Variants in RSPO1 observed in about 807,000 individuals in gnomAD.
RSPO1 encodes R-spondin 1, also known as R-spondin-1.
RSPO1 carries 18 observed loss-of-function variants against 26.0 expected under a neutral mutation model. The observed-to-expected ratio is 0.69, with a 90% CI of 0.48 to 1.03. The LOEUF is 1.03. Among genes scored for constraint, RSPO1 ranks in the 50% least tolerant of loss-of-function variants. The pLI, the probability that RSPO1 is intolerant of heterozygous loss-of-function variation, is 0.00. For missense variants in RSPO1, 309 were observed against 352.3 expected (o/e 0.88, Z 0.98); for synonymous variants, 133 against 137.4 (o/e 0.97, Z 0.22).
intron 3 of RSPO1, among the ~76,000 whole-genome samples, chr1:37,621,974 G>T (rs754796621): frequency 3.9e-5 from 6 of 151,952 alleles, no homozygotes; most frequent in Non-Finnish European, 8.8e-5. Context: ...GCTAAGAAGA[G>T]GTGGAGTTCT....
intron 1 of RSPO1, among the ~76,000 whole-genome samples, chr1:37,632,921 T>A (rs1644380657): frequency 6.6e-6 from 1 of 152,234 alleles, no homozygotes. Context: ...TGATTTCCTT[T>A]GAGCCATGGG....
chr1:37,613,948 C>CCACT lies in RSPO1; in HGVS notation c.437-57_437-56insAGTG. ...GACAAGGAGGAGGGGATCATGTCTC[C>CCACT]TCCTCTGGCCCAGAATAGCCCAGGG... On this transcript the variant is annotated intron_variant, in intron 5 of 6. Transcript: ENST00000356545. This position sits in a 1 kb window ranked among gnomAD's most constrained non-coding sequence, Gnocchi z 4.5. 1 of 1,579,216 alleles carries CCACT rather than the reference C, an allele frequency of 6.3e-7. No homozygotes were observed. The highest frequency in any genetic ancestry group is 8.7e-7 in the Non-Finnish European group (1 of 1,148,894).
intron 3 of RSPO1, among the ~76,000 whole-genome samples, chr1:37,624,678 C>T (rs1390909004): frequency 1.3e-5 from 2 of 152,176 alleles, no homozygotes; most frequent in Non-Finnish European, 2.9e-5. Context: ...TGGATCGCTG[C>T]CCCTCCCCGC....
rs911905553 is a variant in RSPO1 at position 37,611,906 on chromosome 1, T to C, written c.*849A>G. The C allele has an allele frequency of 6.6e-6, 1 of 152,262 alleles. No homozygotes were observed. Among genetic ancestry groups the C allele is most frequent in the Admixed American group, 6.5e-5 (1 of 15,284 alleles). The allele number at this position is 152,262 out of a possible 1,614,324, so 9.4% of individuals were successfully genotyped here. A position where few individuals can be genotyped will look rare whatever the true frequency, so the allele number is the denominator to read the frequency against. ...TCTGGAATGAGACCTGAGATTCTCATTCCTAACAAGCTGCCCTGTGACAAC... is the reference window on the plus strand; with the variant it reads ...TCTGGAATGAGACCTGAGATTCTCACTCCTAACAAGCTGCCCTGTGACAAC... On this transcript the variant is annotated 3_prime_UTR_variant, in exon 7 of 7. Transcript: ENST00000356545.
intron 3 of RSPO1, among the ~76,000 whole-genome samples, chr1:37,617,688 A>AAAAG (rs1553120745): frequency 4.5e-4 from 61 of 136,598 alleles, no homozygotes; most frequent in South Asian, 7.0e-4. Context: ...AAAAAAAAAA[A>AAAAG]AGAGAGAACC....
At chr1:37,628,884 C>A (rs1485754614) in intron 3 of RSPO1, among the ~76,000 whole-genome samples, 1 of 152,242 alleles carries the variant, frequency 6.6e-6, no homozygotes, top group Non-Finnish European at 1.5e-5. Flanking sequence ...GCTATGAGAA[C>A]CCTCTCTTCC....
rs760412455 is a variant in RSPO1 at position 37,614,333 on chromosome 1, T to A, written c.287A>T (p.Lys96Ile). The A allele has an allele frequency of 6.2e-7, 1 of 1,613,618 alleles. No individual in the cohort carries two copies. The highest frequency in any genetic ancestry group is 1.1e-5 in the South Asian group (1 of 91,068). ...GGCCTCACAGTGCTCGATCTTGCAT[T>A]CTGAGGAGAGGACAGATTGGGGGCT... ...ARNPDMNKCIKCKIEHCEACF... is the reference protein window; with the variant it reads ...ARNPDMNKCIICKIEHCEACF... Residue 96 changes from lysine (K) to isoleucine (I), a missense_variant and splice_region_variant, in exon 5 of 7, where the codon AAA becomes ATA. Coordinates refer to ENST00000356545, the MANE Select transcript of RSPO1 (RefSeq NM_001242908.2).
chr1:37,630,130 A>G (rs1046682026), intron 2 of RSPO1, among the ~76,000 whole-genome samples, 181 bp from the exon 3 acceptor site: 19 of 152,316 alleles, frequency 1.2e-4, no homozygotes, highest in Middle Eastern at 3.4e-3. Context: ...CTAACCTGGG[A>G]CCGGAGCCGG....
intron 3 of RSPO1, among the ~76,000 whole-genome samples, chr1:37,624,586 G>A (rs920872638): frequency 1.3e-5 from 2 of 151,898 alleles, no homozygotes; most frequent in Non-Finnish European, 2.9e-5. Flanking sequence ...TTCATCCTAC[G>A]CAAAGCCCTT....
At position 37,629,579 on chromosome 1, in the gene RSPO1, C is replaced by T; in HGVS notation, c.83G>A (p.Arg28Lys). The change falls in exon 3 of 7, where the codon AGG (arginine) becomes AAG (lysine). Residue 28 changes from arginine to lysine, a missense_variant. Coordinates refer to ENST00000356545, the MANE Select transcript of RSPO1 (RefSeq NM_001242908.2). ...GCTCCATTACTCACTCCGCCTCTGC[C>T]TTTTCCCCTTGATCCCCCGGCTGCT... ...TISSRGIKGK[R>K]QRRISAEGSQ... is the part of the protein sequence containing the mutation. 2 of 1,614,154 alleles carry T rather than the reference C, an allele frequency of 1.2e-6. No homozygotes were observed. The highest frequency in any genetic ancestry group is 1.7e-6 in the Non-Finnish European group (2 of 1,180,004).
chr1:37,625,924 C>T (rs1157948977), intron 3 of RSPO1, among the ~76,000 whole-genome samples: 2 of 152,124 alleles, frequency 1.3e-5, no homozygotes, highest in Non-Finnish European at 2.9e-5. Flanking sequence ...GGTGATCGCC[C>T]GCCTCAGCCT....
chr1:37,614,067 G>T, intron 5 of RSPO1, 117 bp downstream of exon 5: 1 of 1,341,276 alleles, frequency 7.5e-7, no homozygotes, highest in Non-Finnish European at 1.0e-6. Flanking sequence ...GAAAGGAGTG[G>T]TAGGGTAAGC....
chr1:37,624,574 C>T (rs940732098), intron 3 of RSPO1, among the ~76,000 whole-genome samples: 1 of 152,064 alleles, frequency 6.6e-6, no homozygotes, highest in Non-Finnish European at 1.5e-5. Context: ...CTTCTAGTCT[C>T]CTTCATCCTA....
intron 3 of RSPO1, among the ~76,000 whole-genome samples, chr1:37,624,474 C>T (rs1010154951): frequency 7.9e-5 from 12 of 151,982 alleles, no homozygotes; most frequent in African/African-American, 1.7e-4. Flanking sequence ...ACCATCCCCC[C>T]CAACCCCACC....
chr1:37,613,343 A>C lies in RSPO1; in HGVS notation c.625+361T>G, dbSNP rs1249128654. ...CAGCAGCCAACCCCTTGCCAACTGCAGGCTGTGTGACTTTGGTGGAATCAC... is the reference window on the plus strand; with the variant it reads ...CAGCAGCCAACCCCTTGCCAACTGCCGGCTGTGTGACTTTGGTGGAATCAC... On this transcript the variant is annotated intron_variant, in intron 6 of 6. Transcript: ENST00000356545. This position sits in a 1 kb window ranked among gnomAD's most constrained non-coding sequence, Gnocchi z 4.5. Among the ~76,000 whole-genome samples, 1 of 152,208 alleles carries C rather than the reference A, an allele frequency of 6.6e-6. No homozygotes were observed. The highest frequency in any genetic ancestry group is 1.5e-5 in the Non-Finnish European group (1 of 68,028).
In RSPO1 at chr1:37,634,146, G is replaced by C. The variant is rs577209926; in HGVS notation, c.-356+420C>G. On this transcript the variant is annotated intron_variant, in intron 1 of 6. Coordinates refer to ENST00000356545, the MANE Select transcript of RSPO1 (RefSeq NM_001242908.2). The surrounding 1 kb of genome is among the most constrained non-coding windows in gnomAD (Gnocchi z 4.7). Reference sequence around the variant, plus strand: ...ATGCCGCCTGCCACGTCGAACCCAGGCCCAGGCTGCGGACTGGGGTGGGGG... The same window carrying C: ...ATGCCGCCTGCCACGTCGAACCCAGCCCCAGGCTGCGGACTGGGGTGGGGG... Among the ~76,000 whole-genome samples, 1 of 152,282 alleles carries C rather than the reference G, an allele frequency of 6.6e-6. No homozygotes were observed. The highest frequency in any genetic ancestry group is 1.9e-4 in the East Asian group (1 of 5,162).
Position 37,611,705 on chromosome 1 carries a change from G to C in RSPO1, c.*1050C>G, listed in dbSNP as rs1224054732. 1 of 113,892 alleles carries C rather than the reference G, an allele frequency of 8.8e-6. No individual in the cohort carries two copies. Among genetic ancestry groups the C allele is most frequent in the East Asian group, 2.0e-4 (1 of 4,916 alleles). The allele number at this position is 113,892 out of a possible 1,614,324, so 7.1% of individuals were successfully genotyped here. On this transcript the variant is annotated 3_prime_UTR_variant, in exon 7 of 7. Coordinates refer to ENST00000356545, the MANE Select transcript of RSPO1 (RefSeq NM_001242908.2). ...AGTGCCACTAGCCCTTCAGTATATAGATTCTGCCTCTCCCAGATGGAAAGT... is the reference window on the plus strand; with the variant it reads ...AGTGCCACTAGCCCTTCAGTATATACATTCTGCCTCTCCCAGATGGAAAGT...
intron 3 of RSPO1, among the ~76,000 whole-genome samples, chr1:37,622,569 A>C (rs936196058): frequency 3.3e-5 from 5 of 152,230 alleles, no homozygotes; most frequent in African/African-American, 9.6e-5. Flanking sequence ...ATGGTGCCTC[A>C]GGCAACACCT....
intron 4 of RSPO1, among the ~76,000 whole-genome samples, chr1:37,614,548 GA>G (rs1459765087): frequency 5.9e-5 from 9 of 152,356 alleles, no homozygotes; most frequent in Admixed American, 2.0e-4. Context: ...GGTTGCTCCT[GA>G]AGGCTGGCTG....
Sources: gnomAD v4.1 joint callset for allele counts (sites outside exome capture counted in the v4.1 genomes callset) on GRCh38, gnomAD v4.1.1 for gene constraint, Gnocchi (gnomAD v3.1) non-coding constraint, MANE v1.5 for transcripts, NCBI Gene and HGNC (gene_info 2026-07-23, HGNC 2026-07-21) for gene names.